The following CSMD1 variants were observed in gnomAD, a reference collection of about 807,000 sequenced individuals.
CSMD1 encodes CUB and Sushi multiple domains 1, also known as CUB and sushi domain-containing protein 1.
Under a neutral mutation model 417.5 loss-of-function variants are expected in CSMD1, and 213 were observed. The ratio of observed to expected loss-of-function variants is 0.51; its 90% confidence interval spans 0.46 to 0.57. The LOEUF (loss-of-function observed/expected upper bound fraction) is 0.57, where lower values mean the gene tolerates loss of function less well. Ranked by LOEUF, CSMD1 falls within the 20% of genes least tolerant of loss-of-function variation. The pLI is 0.00. For synonymous variants in CSMD1, 2,862 were observed against 1,736.8 expected, an observed-to-expected ratio of 1.65 and a Z score of -16.11; for missense variants, 6,923 against 4,529.7, an observed-to-expected ratio of 1.53 and a Z score of -15.17.
At chr8:3,793,736 T>A (rs371076268) in intron 5 of CSMD1, among the ~76,000 whole-genome samples, 1 of 152,096 alleles carries the variant, frequency 6.6e-6, no homozygotes, top group African/African-American at 2.4e-5. Flanking sequence ...ACTTTTTATT[T>A]TCGTAGGATC....
At chr8:3,473,390 C>G (rs138991364) in intron 11 of CSMD1, among the ~76,000 whole-genome samples, 2 of 152,100 alleles carry the variant, frequency 1.3e-5, no homozygotes, top group Non-Finnish European at 2.9e-5. Flanking sequence ...TATTTTAAAG[C>G]TGATTAACTT....
At chr8:3,537,583 C>G (rs1178550503) in intron 10 of CSMD1, among the ~76,000 whole-genome samples, 2 of 152,086 alleles carry the variant, frequency 1.3e-5, no homozygotes, top group Admixed American at 6.5e-5. Flanking sequence ...TTAGATAGCT[C>G]TATTATTCTG....
At chr8:3,640,615 G>T (rs549340168) in intron 7 of CSMD1, among the ~76,000 whole-genome samples, 1 of 152,230 alleles carries the variant, frequency 6.6e-6, no homozygotes, top group Non-Finnish European at 1.5e-5. Flanking sequence ...GGTGGTCTCT[G>T]AGACCTCAGT....
chr8:3,508,745 C>T (rs992644644), intron 10 of CSMD1, among the ~76,000 whole-genome samples: 1 of 151,840 alleles, frequency 6.6e-6, no homozygotes, highest in Non-Finnish European at 1.5e-5. Context: ...ATAAAATTAT[C>T]ATTCTATTTA....
At chr8:3,578,204 A>T (rs1800232130) in intron 9 of CSMD1, among the ~76,000 whole-genome samples, 1 of 152,234 alleles carries the variant, frequency 6.6e-6, no homozygotes, top group African/African-American at 2.4e-5. Context: ...TTAAAAAATT[A>T]GGTATTTGGA....
At chr8:4,010,382 T>G (rs1002485245) in intron 4 of CSMD1, among the ~76,000 whole-genome samples, 2 of 152,170 alleles carry the variant, frequency 1.3e-5, no homozygotes, top group African/African-American at 4.8e-5. Context: ...GGGCCCTCTG[T>G]CAGCCTCTTC....
chr8:3,517,971 T>C (rs1297958952), intron 10 of CSMD1, among the ~76,000 whole-genome samples: 1 of 152,122 alleles, frequency 6.6e-6, no homozygotes. Flanking sequence ...TTAAACCTCA[T>C]CAATAAATAA....
At chr8:3,248,832 T>A (rs1448706469) in intron 26 of CSMD1, among the ~76,000 whole-genome samples, 2 of 152,124 alleles carry the variant, frequency 1.3e-5, no homozygotes, top group Admixed American at 6.6e-5. Flanking sequence ...TTCTACTTAC[T>A]CTGTTAATCT....
At chr8:4,486,162 CAT>C (rs202146584) in intron 2 of CSMD1, among the ~76,000 whole-genome samples, 696 of 48,570 alleles carry the variant, frequency 0.014, 19 homozygotes, top group African/African-American at 0.03. Flanking sequence ...TATATACATA[CAT>C]ATATATATAT....
chr8:4,558,953 A>G (rs1337693310), intron 2 of CSMD1, among the ~76,000 whole-genome samples: 1 of 152,030 alleles, frequency 6.6e-6, no homozygotes, highest in African/African-American at 2.4e-5. Flanking sequence ...GACCTCCTGT[A>G]TTTGATACTT....
chr8:3,968,048 G>A lies in CSMD1; in HGVS notation c.818+29855C>T, dbSNP rs1035329812. On this transcript the variant is annotated intron_variant, in intron 5 of 69. Transcript: ENST00000635120. ...AAAAATTACAAAAAATTAGCCGGGA[G>A]TGGTGGCGGGCGCCTGTAGTCCCAG... Among the ~76,000 whole-genome samples, 12 of 146,598 alleles carry A rather than the reference G, an allele frequency of 8.2e-5. No individual in the cohort carries two copies. The South Asian group carries it at 1.5e-3, about 18-fold the overall frequency.
intron 20 of CSMD1, among the ~76,000 whole-genome samples, chr8:3,359,687 T>G (rs1034273733): frequency 6.6e-6 from 1 of 151,914 alleles, no homozygotes; most frequent in African/African-American, 2.4e-5. Flanking sequence ...GATAGCAGAG[T>G]AAGGTGACTA....
intron 2 of CSMD1, among the ~76,000 whole-genome samples, chr8:4,529,587 T>C (rs974436152): frequency 6.6e-6 from 1 of 152,160 alleles, no homozygotes; most frequent in African/African-American, 2.4e-5. Context: ...AAAAGCTCCT[T>C]GGGGGCAGTG....
intron 5 of CSMD1, among the ~76,000 whole-genome samples, chr8:3,930,114 A>G (rs1810037370): frequency 6.7e-6 from 1 of 150,308 alleles, no homozygotes. Context: ...TGGTACTGGG[A>G]AAACCTACAA....
rs1056680306 is a variant in CSMD1 at position 2,997,877 on chromosome 8, A to T, written c.8377+134T>A. On this transcript the variant is annotated intron_variant, in intron 54 of 69. Coordinates refer to ENST00000635120, the MANE Select transcript of CSMD1 (RefSeq NM_033225.6). ...TGTGCTTACTCTCAGAAATGCTTTC[A>T]CACCTGAATGGTGAGAGTTTGCAGA... The T allele has an allele frequency of 8.8e-6, 7 of 799,726 alleles. No homozygotes were observed. In the African/African-American group the frequency reaches 1.2e-4, roughly 14 times the overall value. The allele number at this position is 799,726 out of a possible 1,614,324, so 49.5% of individuals were successfully genotyped here. A position where few individuals can be genotyped will look rare whatever the true frequency, so the allele number is the denominator to read the frequency against.
At chr8:4,905,730 G>A (rs1444222987) in intron 1 of CSMD1, among the ~76,000 whole-genome samples, 3 of 146,170 alleles carry the variant, frequency 2.1e-5, no homozygotes, top group East Asian at 2.2e-4. Flanking sequence ...TGAGGCAGGA[G>A]AATGGCGTGA....
chr8:4,954,686 T>C (rs1469034057), intron 1 of CSMD1, among the ~76,000 whole-genome samples: 2 of 152,212 alleles, frequency 1.3e-5, no homozygotes. Context: ...TGAATGTTCC[T>C]TATAAGCTAT....
intron 2 of CSMD1, among the ~76,000 whole-genome samples, chr8:4,537,599 C>A (rs192983017): frequency 6.6e-6 from 1 of 152,130 alleles, no homozygotes; most frequent in African/African-American, 2.4e-5. Context: ...GGGCTTTTCT[C>A]GGACCTACTG....
At chr8:3,802,650 C>T (rs77263561) in intron 5 of CSMD1, among the ~76,000 whole-genome samples, 4,800 of 152,218 alleles carry the variant, frequency 0.032, 179 homozygotes, top group African/African-American at 0.086. Context: ...CAATCATGAG[C>T]TTGTCACTTT....
Sources: allele counts gnomAD v4.1 joint callset (sites outside exome capture counted in the v4.1 genomes callset), GRCh38; gene constraint gnomAD v4.1.1; transcripts MANE v1.5; gene names NCBI Gene and HGNC (gene_info 2026-07-23, HGNC 2026-07-21).